The following JAK1 variants were observed in gnomAD, a reference collection of about 807,000 sequenced individuals.
JAK1 encodes the protein tyrosine-protein kinase JAK1.
Under a neutral mutation model 136.6 loss-of-function variants are expected in JAK1, and 16 were observed. The ratio of observed to expected loss-of-function variants is 0.12; its 90% confidence interval spans 0.08 to 0.18. The LOEUF (loss-of-function observed/expected upper bound fraction) is 0.18, where lower values mean the gene tolerates loss of function less well. JAK1 is among the 10% of genes least tolerant of loss of function. The pLI, the probability that JAK1 is intolerant of heterozygous loss-of-function variation, is 1.00. For missense variants in JAK1, 859 were observed against 1,450.1 expected (o/e 0.59, Z 6.62); for synonymous variants, 492 against 519.5 (o/e 0.95, Z 0.72).
chr1:64,836,116 T>A lies in JAK1; in HGVS notation c.3240A>T (p.Ser1080=), dbSNP rs937207406. 1.2e-6 allele frequency: 2 copies of A among 1,602,702 alleles called. No homozygotes were observed. The highest frequency in any genetic ancestry group is 1.7e-6 in the Non-Finnish European group (2 of 1,169,616). Residue 1080 remains serine (S), a synonymous_variant, in exon 23 of 25, where the codon TCA becomes TCT. Transcript: ENST00000342505. The part of the protein sequence containing the change: ...TLHELLTYCD[S]DSSPMALFLK... ...GACTTACAGCCATGGGACTAGAATC[T>A]GAATCACAGTAAGTCAGCAGCTCAT...
chr1:64,929,905 G>A (rs536910841), intron 1 of JAK1, among the ~76,000 whole-genome samples: 2 of 152,046 alleles, frequency 1.3e-5, no homozygotes, highest in Non-Finnish European at 2.9e-5. Flanking sequence ...GATCTTTGAC[G>A]AATCTGACCT....
chr1:64,966,128 C>T (rs1646372335), intron 1 of JAK1, among the ~76,000 whole-genome samples: 1 of 151,856 alleles, frequency 6.6e-6, no homozygotes, highest in South Asian at 2.1e-4. Flanking sequence ...ACCTCCTCGC[C>T]GCCCGCCGGC....
intron 2 of JAK1, among the ~76,000 whole-genome samples, chr1:64,982,622 C>T (rs989447048): frequency 1.8e-4 from 28 of 152,180 alleles, no homozygotes; most frequent in African/African-American, 6.8e-4. Flanking sequence ...GTCCTGCTGG[C>T]TTATGTCTCT....
rs150582687 is a variant in JAK1, at chr1:64,996,498, A to C, written c.-78+47982T>G. Reference sequence around the variant, plus strand: ...TTACATTTGTAGAGAAAAAGAAACAAATCTAAAATTGGACTTTTCCTTCCA... The same window carrying C: ...TTACATTTGTAGAGAAAAAGAAACACATCTAAAATTGGACTTTTCCTTCCA... On this transcript the variant is annotated intron_variant, in intron 2 of 25. Transcript: ENST00000671954. 5.8e-3 allele frequency among the ~76,000 whole-genome samples: 889 copies of C among 152,346 alleles called. 3 individuals are homozygous for C. The highest frequency in any genetic ancestry group is 0.01 in the Non-Finnish European group (696 of 68,038).
At chr1:64,841,129 T>C (rs868836716) in intron 19 of JAK1, 116 bp downstream of exon 19, 3 of 770,136 alleles carry the variant, frequency 3.9e-6, no homozygotes, top group Middle Eastern at 2.6e-4. Context: ...GTGCTTTCGC[T>C]CATGGACCTG....
At chr1:64,911,793 A>G (rs1488817565) in intron 1 of JAK1, among the ~76,000 whole-genome samples, 2 of 152,222 alleles carry the variant, frequency 1.3e-5, no homozygotes, top group Non-Finnish European at 2.9e-5. Context: ...CTAGGTTCAT[A>G]TTTTGATTAT....
At chr1:64,905,802 A>G (rs1369113109) in intron 1 of JAK1, among the ~76,000 whole-genome samples, 1 of 152,186 alleles carries the variant, frequency 6.6e-6, no homozygotes, top group African/African-American at 2.4e-5. Context: ...CCTATCTCAC[A>G]TGATCCCTAC....
At chr1:64,894,787 C>CA (rs369286142) in intron 1 of JAK1, among the ~76,000 whole-genome samples, 2,199 of 150,396 alleles carry the variant, frequency 0.015, 59 homozygotes, top group African/African-American at 0.05. Flanking sequence ...AAAAAACAAA[C>CA]AAAAAAAAAC....
exon 1 of JAK1, chr1:65,067,727 A>C (rs1051598339): frequency 4.9e-5 from 7 of 143,232 alleles, no homozygotes; most frequent in Admixed American, 2.1e-4. Context: ...TTTTTATTCT[A>C]TCTCTGCCAT....
chr1:65,018,473 A>AGG (rs1646908330), intron 2 of JAK1, among the ~76,000 whole-genome samples: 1 of 145,442 alleles, frequency 6.9e-6, no homozygotes, highest in Non-Finnish European at 1.5e-5. Context: ...AGAGAGAGAG[A>AGG]GAGAGAGAGA....
intron 1 of JAK1, among the ~76,000 whole-genome samples, chr1:64,892,346 T>C (rs1035231879): frequency 1.3e-5 from 2 of 152,052 alleles, no homozygotes; most frequent in Non-Finnish European, 2.9e-5. Flanking sequence ...AGTGGCACAA[T>C]CATGGCTCAC....
chr1:64,878,931 A>G, intron 4 of JAK1, 94 bp downstream of exon 4: 1 of 1,242,222 alleles, frequency 8.1e-7, no homozygotes, highest in Non-Finnish European at 1.1e-6. Flanking sequence ...AAATGACTAC[A>G]ATACTTCTTG....
In JAK1 at chr1:64,886,278, C is replaced by T; in HGVS notation, c.-14G>A. On this transcript the variant is annotated 5_prime_UTR_variant, in exon 2 of 25. Coordinates refer to ENST00000342505, the MANE Select transcript of JAK1 (RefSeq NM_002227.4). ...ACATACCTGCATTTATTCAGCTGTCCAGTGTTCTCCAAGAAGCAAACTGGA... is the reference window on the plus strand; with the variant it reads ...ACATACCTGCATTTATTCAGCTGTCTAGTGTTCTCCAAGAAGCAAACTGGA... 1 of 1,595,172 alleles carries T rather than the reference C, an allele frequency of 6.3e-7. No individual in the cohort carries two copies. Among genetic ancestry groups the T allele is most frequent in the Non-Finnish European group, 8.5e-7 (1 of 1,171,774 alleles).
chr1:64,989,202 G>A (rs1411008115), intron 2 of JAK1, among the ~76,000 whole-genome samples: 1 of 150,016 alleles, frequency 6.7e-6, no homozygotes, highest in Non-Finnish European at 1.5e-5. Context: ...GCACGTGCCT[G>A]TAATCCCAGC....
intron 1 of JAK1, among the ~76,000 whole-genome samples, chr1:65,050,492 A>C (rs1287590957): frequency 6.6e-6 from 1 of 152,212 alleles, no homozygotes; most frequent in Non-Finnish European, 1.5e-5. Context: ...TGATTCCCTG[A>C]CAAAGGCCAG....
chr1:64,947,127 G>T (rs1021462296), intron 1 of JAK1, among the ~76,000 whole-genome samples: 1 of 152,168 alleles, frequency 6.6e-6, no homozygotes, highest in South Asian at 2.1e-4. Flanking sequence ...AAGAGTTCTG[G>T]AGATTAGATG....
chr1:65,026,313 G>A (rs1646977518), intron 2 of JAK1, among the ~76,000 whole-genome samples: 1 of 152,166 alleles, frequency 6.6e-6, no homozygotes, highest in Non-Finnish European at 1.5e-5. Flanking sequence ...TGGCTGGAAT[G>A]TCAGTGGAGC....
intron 2 of JAK1, chr1:64,987,141 TA>T (rs1222356727): frequency 6.6e-6 from 1 of 152,200 alleles, no homozygotes; most frequent in Non-Finnish European, 1.5e-5. Flanking sequence ...AAAACTTCCT[TA>T]GTTCCTCAAG....
At position 65,059,425 on chromosome 1, in the gene JAK1, A is replaced by G. The variant is rs188760280; in HGVS notation, c.-181+8179T>C. ...AGAAAAATGCACATTAGCAAAAATG[A>G]CTTTCATTCCTCTTGCTCTGAGTGC... On this transcript the variant is annotated intron_variant, in intron 1 of 25. Transcript: ENST00000671954. Among the ~76,000 whole-genome samples, 30 of 152,354 alleles carry G rather than the reference A, an allele frequency of 2.0e-4. No individual in the cohort carries two copies. The Middle Eastern group carries it at 0.017, about 86-fold the overall frequency.
Sources: allele counts gnomAD v4.1 joint callset (sites outside exome capture counted in the v4.1 genomes callset), GRCh38; gene constraint gnomAD v4.1.1; transcripts MANE v1.5; gene names NCBI Gene and HGNC (gene_info 2026-07-23, HGNC 2026-07-21).